Variants in VPS45 observed in about 807,000 individuals in gnomAD.
VPS45 encodes the protein vacuolar protein sorting-associated protein 45.
VPS45 carries 35 observed loss-of-function variants against 75.9 expected under a neutral mutation model. The observed-to-expected ratio is 0.46, with a 90% CI of 0.35 to 0.61. The LOEUF is 0.61. VPS45 is among the 20% of genes least tolerant of loss of function. The pLI, the probability that VPS45 is intolerant of heterozygous loss-of-function variation, is 0.00. For missense variants in VPS45, 559 were observed against 685.9 expected, an observed-to-expected ratio of 0.81 and a Z score of 2.07; for synonymous variants, 220 against 238.2, an observed-to-expected ratio of 0.92 and a Z score of 0.70.
At chr1:150,074,075 C>T (rs1655234531) in intron 3 of VPS45, among the ~76,000 whole-genome samples, 1 of 148,536 alleles carries the variant, frequency 6.7e-6, no homozygotes, top group Non-Finnish European at 1.5e-5. Flanking sequence ...AGTGCAGTGT[C>T]GCCATCTCAA....
At chr1:150,089,564 G>T (rs1237831251) in intron 10 of VPS45, among the ~76,000 whole-genome samples, 3 of 152,010 alleles carry the variant, frequency 2.0e-5, no homozygotes, top group African/African-American at 7.3e-5. Context: ...GTTTCACCAT[G>T]TTGGCCAGGC....
chr1:150,084,745 A>G (rs1270120806), intron 10 of VPS45, among the ~76,000 whole-genome samples: 9 of 152,142 alleles, frequency 5.9e-5, no homozygotes, highest in Non-Finnish European at 1.2e-4. Context: ...CTTGGCTTAT[A>G]TCCTACCTCT....
intron 10 of VPS45, among the ~76,000 whole-genome samples, 173 bp from the exon 11 acceptor site, chr1:150,091,764 C>T (rs185892551): frequency 1.3e-5 from 2 of 152,080 alleles, no homozygotes; most frequent in Admixed American, 1.3e-4. Flanking sequence ...TTAATTCTTA[C>T]CTTGGACAAA....
chr1:150,087,545 T>C (rs1656081106), intron 10 of VPS45, among the ~76,000 whole-genome samples: 1 of 152,212 alleles, frequency 6.6e-6, no homozygotes, highest in Admixed American at 6.5e-5. Flanking sequence ...CTTCTCTGGT[T>C]AGTGCCCTGA....
intron 2 of VPS45, among the ~76,000 whole-genome samples, chr1:150,069,495 C>T (rs1369917901): frequency 7.2e-6 from 1 of 139,166 alleles, no homozygotes; most frequent in South Asian, 2.2e-4. Context: ...CTCGCTCTGT[C>T]GCCCAGGCTG....
rs56235561 is a variant in VPS45, at chr1:150,110,352, T to G, written c.1494-144T>G. 4,997 of 810,744 alleles carry G rather than the reference T, an allele frequency of 6.2e-3. 149 individuals are homozygous for G. The African/African-American group carries it at 0.075, about 12-fold the overall frequency. 50.2% of individuals were successfully genotyped at this position (810,744 alleles called of 1,614,324 possible). A position where few individuals can be genotyped will look rare whatever the true frequency, so the allele number is the denominator to read the frequency against. On this transcript the variant is annotated intron_variant, in intron 13 of 14. Transcript: ENST00000644510. ...CTGCCAATTTCAGATAATTGAAACT[T>G]TTTTTAAACCTTTTATTCTATTCTG...
intron 13 of VPS45, among the ~76,000 whole-genome samples, chr1:150,095,170 T>A (rs1456177468): frequency 1.3e-5 from 2 of 152,104 alleles, no homozygotes. Flanking sequence ...AGTAAACAAG[T>A]AAACAAATGA....
chr1:150,114,669 G>A (rs1553807889), intron 14 of VPS45, among the ~76,000 whole-genome samples: 1 of 151,958 alleles, frequency 6.6e-6, no homozygotes. Flanking sequence ...GCCAAGGCAG[G>A]CGGATTGCTT....
intron 14 of VPS45, among the ~76,000 whole-genome samples, chr1:150,138,199 T>A (rs1200078462): frequency 1.3e-5 from 2 of 152,174 alleles, no homozygotes; most frequent in African/African-American, 4.8e-5. Flanking sequence ...TAGCTAAACA[T>A]AGAGTCAACT....
intron 13 of VPS45, among the ~76,000 whole-genome samples, chr1:150,106,687 C>G (rs1657343504): frequency 6.6e-6 from 1 of 152,182 alleles, no homozygotes; most frequent in South Asian, 2.1e-4. Flanking sequence ...TCTCTGCCGA[C>G]TTCTTTTCCA....
chr1:150,083,140 C>G (rs782187806), intron 10 of VPS45: 1 of 317,556 alleles, frequency 3.1e-6, no homozygotes, highest in Non-Finnish European at 5.7e-6. Context: ...AAACTAGAAT[C>G]AGAAGATCTA....
intron 14 of VPS45, among the ~76,000 whole-genome samples, chr1:150,138,708 T>C (rs1167488471): frequency 6.6e-6 from 1 of 152,162 alleles, no homozygotes; most frequent in Non-Finnish European, 1.5e-5. Context: ...TGAGAACCAG[T>C]GTTTCTTGTC....
chr1:150,136,510 G>A (rs892628119), intron 14 of VPS45, among the ~76,000 whole-genome samples: 4 of 151,930 alleles, frequency 2.6e-5, no homozygotes, highest in African/African-American at 7.3e-5. Context: ...AGCCAAGATC[G>A]CACCACTGCA....
At chr1:150,125,294 TTC>T (rs1658446060) in intron 14 of VPS45, among the ~76,000 whole-genome samples, 4 of 110 alleles carry the variant, frequency 0.036, 1 homozygote, top group South Asian at 0.5. Context: ...ATTCAAAATC[TTC>T]TTTTTTCTGT....
chr1:150,094,270 T>TA (rs1316857322), intron 13 of VPS45, among the ~76,000 whole-genome samples: 34 of 188 alleles, frequency 0.18, no homozygotes, highest in Admixed American at 0.25. Flanking sequence ...AAATTATATA[T>TA]TTTTTTTGTT....
chr1:150,141,997 A>G (rs1027276744), intron 14 of VPS45, among the ~76,000 whole-genome samples: 3 of 152,236 alleles, frequency 2.0e-5, no homozygotes. Context: ...GTTTTTAAAC[A>G]TAGTCTAAAT....
chr1:150,128,667 G>A (rs1658648129), intron 14 of VPS45, among the ~76,000 whole-genome samples: 1 of 152,054 alleles, frequency 6.6e-6, no homozygotes, highest in African/African-American at 2.4e-5. Context: ...AAAGAGGCAG[G>A]AACCCAGAGG....
rs1304964436 is a variant in VPS45 at position 150,077,708 on chromosome 1, C to T, written c.616C>T (p.Arg206Trp). Reference protein sequence around the residue: ...TKEYELFEFRRTEVPPLLLIL... With the variant: ...TKEYELFEFRWTEVPPLLLIL... ...AGAATATGAACTGTTTGAATTCCGT[C>T]GGACAGAGGTTCCTCCATTGCTCCT... The change falls in exon 7 of 15, where the codon CGG (arginine) becomes TGG (tryptophan). Residue 206 changes from arginine (R) to tryptophan (W), a missense_variant. By Grantham distance (101) the Arg-to-Trp change is moderately radical. Coordinates refer to ENST00000644510, the MANE Select transcript of VPS45 (RefSeq NM_007259.5). The T allele has an allele frequency of 3.1e-6, 5 of 1,613,910 alleles. No individual in the cohort carries two copies. Among genetic ancestry groups the T allele is most frequent in the Non-Finnish European group, 4.2e-6 (5 of 1,179,960 alleles).
At chr1:150,086,588 A>G (rs1656025971) in intron 10 of VPS45, among the ~76,000 whole-genome samples, 1 of 152,160 alleles carries the variant, frequency 6.6e-6, no homozygotes, top group African/African-American at 2.4e-5. Context: ...GATTAATTAA[A>G]TGTAAAAATG....
Sources: allele counts gnomAD v4.1 joint callset (sites outside exome capture counted in the v4.1 genomes callset), GRCh38; gene constraint gnomAD v4.1.1; transcripts MANE v1.5; gene names NCBI Gene and HGNC (gene_info 2026-07-23, HGNC 2026-07-21).